IPO11: variants seen among roughly 807,000 people sequenced by gnomAD.
The protein encoded by IPO11 is importin-11.
A neutral mutation model predicts 143.2 loss-of-function variants in IPO11; 66 were observed. The observed-to-expected ratio is 0.46, with a 90% CI of 0.38 to 0.57. The LOEUF (loss-of-function observed/expected upper bound fraction) is 0.57, where lower values mean the gene tolerates loss of function less well. Ranked by LOEUF, IPO11 falls within the 20% of genes least tolerant of loss-of-function variation. The pLI, the probability that IPO11 is intolerant of heterozygous loss-of-function variation, is 0.00. For missense variants in IPO11, 1,026 were observed against 1,141.0 expected, an observed-to-expected ratio of 0.90 and a Z score of 1.45; for synonymous variants, 385 against 377.8, an observed-to-expected ratio of 1.02 and a Z score of -0.22.
intron 26 of IPO11, among the ~76,000 whole-genome samples, chr5:62,556,559 C>G (rs908921281): frequency 6.6e-6 from 1 of 151,936 alleles, no homozygotes; most frequent in Non-Finnish European, 1.5e-5. Flanking sequence ...GGTAACAAAG[C>G]GAGACTCCAT....
chr5:62,429,457 G>T (rs1743893066), intron 1 of IPO11, among the ~76,000 whole-genome samples: 1 of 151,800 alleles, frequency 6.6e-6, no homozygotes, highest in African/African-American at 2.4e-5. Flanking sequence ...TCACTGTGTG[G>T]CCCAGGCTGG....
intron 1 of IPO11, among the ~76,000 whole-genome samples, chr5:62,416,236 G>A (rs1252281540): frequency 5.7e-5 from 8 of 141,226 alleles, no homozygotes; most frequent in Admixed American, 1.5e-4. Context: ...AGGCTGGAGT[G>A]CAGTGGCCCG....
intron 27 of IPO11, among the ~76,000 whole-genome samples, chr5:62,567,138 G>C (rs1743972150): frequency 6.6e-6 from 1 of 152,166 alleles, no homozygotes. Context: ...GCTTTTGTCT[G>C]TCTGAGAAAG....
At chr5:62,432,930 T>C (rs1744042670) in intron 1 of IPO11, among the ~76,000 whole-genome samples, 1 of 152,234 alleles carries the variant, frequency 6.6e-6, no homozygotes, top group African/African-American at 2.4e-5. Context: ...TGGATTTCTT[T>C]ATTTTAAAGA....
intron 27 of IPO11, among the ~76,000 whole-genome samples, chr5:62,583,069 A>C (rs920188185): frequency 6.6e-6 from 1 of 152,210 alleles, no homozygotes; most frequent in Non-Finnish European, 1.5e-5. Context: ...GAAAATGTGA[A>C]TATATTTAAA....
intron 18 of IPO11, among the ~76,000 whole-genome samples, chr5:62,505,223 T>C (rs904503347): frequency 6.6e-5 from 10 of 152,212 alleles, no homozygotes; most frequent in South Asian, 2.1e-4. Context: ...TTTTGCTCCT[T>C]AGGTTATTTC....
intron 9 of IPO11, among the ~76,000 whole-genome samples, chr5:62,480,371 A>C (rs925437863): frequency 6.6e-6 from 1 of 152,156 alleles, no homozygotes; most frequent in African/African-American, 2.4e-5. Context: ...GTCAGGTAGC[A>C]TGATGCCTCC....
chr5:62,569,893 A>T (rs1744077636), intron 27 of IPO11, among the ~76,000 whole-genome samples: 1 of 152,180 alleles, frequency 6.6e-6, no homozygotes, highest in South Asian at 2.1e-4. Flanking sequence ...ATCTAATGCA[A>T]TTTGTAGTAA....
At chr5:62,598,434 C>G (rs62375053) in intron 28 of IPO11, among the ~76,000 whole-genome samples, 1 of 2,306 alleles carries the variant, frequency 4.3e-4, no homozygotes, top group Non-Finnish European at 7.0e-4. Context: ...CTTTCTTTCT[C>G]TCTCTCTCTC....
intron 1 of IPO11, among the ~76,000 whole-genome samples, chr5:62,415,281 A>T (rs1443923073): frequency 2.6e-5 from 4 of 151,722 alleles, no homozygotes; most frequent in Non-Finnish European, 5.9e-5. Flanking sequence ...CTCCTGCCTC[A>T]GCCTCCAGAG....
At chr5:62,528,333 C>G (rs1742432803) in intron 21 of IPO11, among the ~76,000 whole-genome samples, 1 of 152,084 alleles carries the variant, frequency 6.6e-6, no homozygotes, top group African/African-American at 2.4e-5. Context: ...AGGGTTTTCA[C>G]CGGAGTGGTA....
chr5:62,549,202 A>G (rs1012435629), intron 24 of IPO11, among the ~76,000 whole-genome samples: 4 of 152,050 alleles, frequency 2.6e-5, no homozygotes, highest in African/African-American at 7.2e-5. Context: ...GTATACCTGT[A>G]TCTTTTAGTA....
chr5:62,451,766 G>A lies in IPO11; in HGVS notation c.349G>A (p.Ala117Thr), dbSNP rs746401917. 6.2e-7 allele frequency: 1 copy of A among 1,614,108 alleles called. No individual in the cohort carries two copies. Among genetic ancestry groups the A allele is most frequent in the Non-Finnish European group, 8.5e-7 (1 of 1,180,018 alleles). ...GATTGCAGTGCTCATTGCAAAAGTT[G>A]CTAGATTGGATTGTCCCAGACAGTG... Reference protein sequence around the residue: ...TQIAVLIAKVARLDCPRQWPE... With the variant: ...TQIAVLIAKVTRLDCPRQWPE... Residue 117 changes from alanine (A) to threonine (T), a missense_variant, in exon 5 of 30, where the codon GCT (alanine) becomes ACT (threonine). Coordinates refer to ENST00000325324, the MANE Select transcript of IPO11 (RefSeq NM_016338.5).
At chr5:62,557,904 C>T (rs1433563641) in intron 26 of IPO11, among the ~76,000 whole-genome samples, 1 of 152,210 alleles carries the variant, frequency 6.6e-6, no homozygotes, top group Non-Finnish European at 1.5e-5. Context: ...CTTCTCTCCT[C>T]AGGCTTTTAC....
chr5:62,444,936 ATGAT>A (rs1179972942), intron 3 of IPO11, among the ~76,000 whole-genome samples: 1 of 151,292 alleles, frequency 6.6e-6, no homozygotes, highest in African/African-American at 2.4e-5. Context: ...ATATATATAA[ATGAT>A]TGTTTTGAAG....
intron 28 of IPO11, among the ~76,000 whole-genome samples, chr5:62,598,521 TC>T (rs1745356950): frequency 8.8e-5 from 1 of 11,344 alleles, no homozygotes; most frequent in African/African-American, 1.1e-3. Context: ...TTTCTTTCTT[TC>T]TTTCTTTTCT....
At chr5:62,540,442 C>T (rs556240692) in intron 24 of IPO11, among the ~76,000 whole-genome samples, 2 of 152,318 alleles carry the variant, frequency 1.3e-5, no homozygotes, top group Non-Finnish European at 1.5e-5. Flanking sequence ...ATTGACCTTA[C>T]CCCCATCCCC....
At chr5:62,623,426 T>C (rs1431935241) in intron 29 of IPO11, among the ~76,000 whole-genome samples, 1 of 152,130 alleles carries the variant, frequency 6.6e-6, no homozygotes, top group Non-Finnish European at 1.5e-5. Flanking sequence ...CAAAATTCAA[T>C]AGGAAATTGT....
intron 26 of IPO11, among the ~76,000 whole-genome samples, 192 bp downstream of exon 26, chr5:62,551,528 A>G (rs1030364780): frequency 6.6e-6 from 1 of 152,156 alleles, no homozygotes; most frequent in African/African-American, 2.4e-5. Flanking sequence ...AAACTTATAC[A>G]TTTTTGTCCT....
Sources: gnomAD v4.1 joint callset for allele counts (sites outside exome capture counted in the v4.1 genomes callset) on GRCh38, gnomAD v4.1.1 for gene constraint, MANE v1.5 for transcripts, NCBI Gene and HGNC (gene_info 2026-07-23, HGNC 2026-07-21) for gene names.